CDYL2: variants seen among roughly 807,000 people sequenced by gnomAD.
CDYL2 encodes chromodomain Y like 2, also known as chromodomain Y-like protein 2.
Under a neutral mutation model 49.4 loss-of-function variants are expected in CDYL2, and 23 were observed. The ratio of observed to expected loss-of-function variants is 0.47; its 90% CI spans 0.34 to 0.66. The LOEUF (loss-of-function observed/expected upper bound fraction) is 0.66, where lower values mean the gene tolerates loss of function less well. CDYL2 is among the 30% of genes least tolerant of loss of function. The pLI is 0.01. For missense variants in CDYL2, 678 were observed against 656.4 expected, an observed-to-expected ratio of 1.03 and a Z score of -0.36; for synonymous variants, 360 against 268.8, an observed-to-expected ratio of 1.34 and a Z score of -3.32.
chr16:80,710,519 C>T (rs1904559996), intron 1 of CDYL2, among the ~76,000 whole-genome samples: 1 of 152,064 alleles, frequency 6.6e-6, no homozygotes, highest in African/African-American at 2.4e-5. Context: ...TGCATGTGTG[C>T]AAAGCCAGCA....
At chr16:80,733,135 G>T (rs1328749270) in intron 1 of CDYL2, among the ~76,000 whole-genome samples, 3 of 152,150 alleles carry the variant, frequency 2.0e-5, no homozygotes, top group African/African-American at 4.8e-5. Flanking sequence ...GATGTCTCTT[G>T]TGGGCAAGGT....
chr16:80,623,417 G>A (rs1597130225), intron 3 of CDYL2, among the ~76,000 whole-genome samples: 1 of 152,114 alleles, frequency 6.6e-6, no homozygotes, highest in Middle Eastern at 3.4e-3. Flanking sequence ...CCTGCAAGAT[G>A]TCCCCGTTTA....
chr16:80,638,717 T>C (rs964576188), intron 2 of CDYL2, among the ~76,000 whole-genome samples: 1 of 152,066 alleles, frequency 6.6e-6, no homozygotes, highest in African/African-American at 2.4e-5. Context: ...GACAATTCAA[T>C]GGAGACAGGA....
intron 1 of CDYL2, among the ~76,000 whole-genome samples, chr16:80,742,891 G>T (rs1905795578): frequency 6.7e-6 from 1 of 150,178 alleles, no homozygotes; most frequent in South Asian, 2.1e-4. Context: ...GTGAAGGATG[G>T]AAAAAGAATG....
chr16:80,796,749 C>G (rs958261759), intron 1 of CDYL2, among the ~76,000 whole-genome samples: 2 of 152,174 alleles, frequency 1.3e-5, no homozygotes, highest in Non-Finnish European at 2.9e-5. Flanking sequence ...CATTCACTTT[C>G]TTTTTACTAT....
intron 2 of CDYL2, among the ~76,000 whole-genome samples, chr16:80,655,117 C>T (rs1908749257): frequency 6.6e-6 from 1 of 152,186 alleles, no homozygotes; most frequent in African/African-American, 2.4e-5. Flanking sequence ...CTGCTGGGGC[C>T]AGGCCAGGCC....
intron 2 of CDYL2, among the ~76,000 whole-genome samples, chr16:80,649,118 T>C (rs1298792182): frequency 6.6e-6 from 1 of 152,132 alleles, no homozygotes; most frequent in Non-Finnish European, 1.5e-5. Context: ...TTATTCAACA[T>C]AGTACTGAAA....
intron 1 of CDYL2, among the ~76,000 whole-genome samples, chr16:80,803,279 T>C (rs1907981921): frequency 6.6e-6 from 1 of 152,196 alleles, no homozygotes; most frequent in Non-Finnish European, 1.5e-5. Context: ...TGGGAAGACA[T>C]GAGAGTATCC....
At chr16:80,630,335 G>T (rs1907504121) in intron 3 of CDYL2, among the ~76,000 whole-genome samples, 1 of 152,338 alleles carries the variant, frequency 6.6e-6, no homozygotes, top group Non-Finnish European at 1.5e-5. Flanking sequence ...TGTTTTCCAT[G>T]ATGAGTGGGC....
chr16:80,637,587 T>C (rs988854219), intron 2 of CDYL2, among the ~76,000 whole-genome samples: 10 of 152,186 alleles, frequency 6.6e-5, no homozygotes, highest in Admixed American at 4.6e-4. Context: ...GGTCACAGAA[T>C]ACAAGGTTAA....
At chr16:80,729,669 C>T (rs1905266394) in intron 1 of CDYL2, among the ~76,000 whole-genome samples, 1 of 152,174 alleles carries the variant, frequency 6.6e-6, no homozygotes, top group South Asian at 2.1e-4. Flanking sequence ...CACCACACCA[C>T]ACCTATTCCA....
intron 2 of CDYL2, among the ~76,000 whole-genome samples, chr16:80,653,182 T>G (rs1029176006): frequency 6.6e-6 from 1 of 152,190 alleles, no homozygotes; most frequent in African/African-American, 2.4e-5. Flanking sequence ...AAAGTGAAAT[T>G]TGGCTGGGCG....
At chr16:80,780,871 G>T (rs558801250) in intron 1 of CDYL2, among the ~76,000 whole-genome samples, 2 of 152,260 alleles carry the variant, frequency 1.3e-5, no homozygotes, top group Admixed American at 6.5e-5. Flanking sequence ...TGGAAAAAAA[G>T]TGTTGGAATC....
chr16:80,765,368 A>T (rs186382126), intron 1 of CDYL2, among the ~76,000 whole-genome samples: 2 of 151,988 alleles, frequency 1.3e-5, no homozygotes, highest in African/African-American at 4.8e-5. Context: ...CTGTAAGAAC[A>T]ATTCTTTAAA....
rs141656343 is a variant in CDYL2 at position 80,621,028 on chromosome 16, T to C, written c.835-93A>G. 7.7e-5 allele frequency: 106 copies of C among 1,368,584 alleles called. No individual in the cohort carries two copies. In the African/African-American group the frequency reaches 1.1e-3, roughly 15 times the overall value. The allele number at this position is 1,368,584 out of a possible 1,614,324, so 84.8% of individuals were successfully genotyped here. A position where few individuals can be genotyped will look rare whatever the true frequency, so the allele number is the denominator to read the frequency against. Reference sequence around the variant, plus strand: ...CAAGACAGCCAGAGGCCTGACCCCCTGAGGGTAGAGGCCAGGGAATCTGCT... The same window carrying C: ...CAAGACAGCCAGAGGCCTGACCCCCCGAGGGTAGAGGCCAGGGAATCTGCT... On this transcript the variant is annotated intron_variant, in intron 3 of 6. Coordinates refer to ENST00000570137, the MANE Select transcript of CDYL2 (RefSeq NM_152342.4).
chr16:80,643,982 T>A (rs139981507), intron 2 of CDYL2, among the ~76,000 whole-genome samples: 1 of 152,310 alleles, frequency 6.6e-6, no homozygotes, highest in East Asian at 1.9e-4. Context: ...AACAAAAAAA[T>A]GGGTTTTCTT....
At chr16:80,648,276 CAG>C (rs1397783428) in intron 2 of CDYL2, among the ~76,000 whole-genome samples, 6 of 151,832 alleles carry the variant, frequency 4.0e-5, no homozygotes, top group African/African-American at 1.2e-4. Context: ...CTAAGAAAAA[CAG>C]AGAGAAGACC....
In CDYL2 at chr16:80,655,232, G is replaced by A. The variant is rs143206640; in HGVS notation, c.617-21996C>T. ...GATAAGGAAAAGTGAGTACCTTGCTGGAAGTCACAGAGATTGTAAATGGAA... is the reference window on the plus strand; with the variant it reads ...GATAAGGAAAAGTGAGTACCTTGCTAGAAGTCACAGAGATTGTAAATGGAA... On this transcript the variant is annotated intron_variant, in intron 2 of 6. Transcript: ENST00000570137. Among the ~76,000 whole-genome samples the A allele has an allele frequency of 3.8e-3, 578 of 152,322 alleles. 5 individuals are homozygous for A. Among genetic ancestry groups the A allele is most frequent in the African/African-American group, 0.013 (550 of 41,570 alleles).
chr16:80,765,006 G>A (rs1368554679), intron 1 of CDYL2, among the ~76,000 whole-genome samples: 6 of 146,790 alleles, frequency 4.1e-5, no homozygotes, highest in Admixed American at 6.8e-5. Flanking sequence ...CTTGCAGTGA[G>A]CCGAGATCGC....
Sources: allele counts gnomAD v4.1 joint callset (sites outside exome capture counted in the v4.1 genomes callset), GRCh38; gene constraint gnomAD v4.1.1; transcripts MANE v1.5; gene names NCBI Gene and HGNC (gene_info 2026-07-23, HGNC 2026-07-21).